The following USP9Y variants were observed in gnomAD, a reference collection of about 807,000 sequenced individuals.
The protein encoded by USP9Y is ubiquitin carboxyl-terminal hydrolase 9Y.
A neutral mutation model predicts 53.1 loss-of-function variants in USP9Y; 41 were observed. The ratio of observed to expected loss-of-function variants is 0.77; its 90% CI spans 0.60 to 1.00. USP9Y has a LOEUF of 1.00. Among genes scored for constraint, USP9Y ranks in the 50% least tolerant of loss-of-function variants. The pLI, the probability that USP9Y is intolerant of heterozygous loss-of-function variation, is 0.00. For synonymous variants in USP9Y, 220 were observed against 173.7 expected (o/e 1.27, Z -2.09); for missense variants, 567 against 535.8 (o/e 1.06, Z -0.58).
intron 42 of USP9Y, 42 bp downstream of exon 42, chrY:12,847,369 G>A: frequency 3.5e-6 from 1 of 288,098 alleles, no homozygotes; most frequent in Non-Finnish European, 5.4e-6. Context: ...AATTTCCCAA[G>A]TTCTTGAAAT....
chrY:12,844,793 C>T (rs983552363), intron 39 of USP9Y, among the ~76,000 whole-genome samples: 2 of 33,240 alleles, frequency 6.0e-5, no homozygotes, highest in African/African-American at 1.2e-4. Context: ...TGAGACAATG[C>T]GTTTGCCACA....
chrY:12,846,390 T>C lies in USP9Y; in HGVS notation c.6626T>C (p.Val2209Ala). 1 of 398,496 alleles carries C rather than the reference T, an allele frequency of 2.5e-6. No individual in the cohort carries two copies. The highest frequency in any genetic ancestry group is 3.5e-6 in the Non-Finnish European group (1 of 283,372). ...KLNVPATFML[V>A]SLDEGPGPPI... ...AATGTACCTGCTACCTTTATGCTTGTGTCTTTAGACGAAGGACCAGGTCCT... is the reference window on the plus strand; with the variant it reads ...AATGTACCTGCTACCTTTATGCTTGCGTCTTTAGACGAAGGACCAGGTCCT... The change falls in exon 40 of 46, where the codon GTG (valine) becomes GCG (alanine). Residue 2209 changes from valine to alanine, a missense_variant. Coordinates refer to ENST00000338981, the MANE Select transcript of USP9Y (RefSeq NM_004654.4).
chrY:12,723,028 G>T, intron 5 of USP9Y, among the ~76,000 whole-genome samples: 2 of 31,665 alleles, frequency 6.3e-5, no homozygotes, highest in South Asian at 1.4e-3. Context: ...CACCACACCC[G>T]GCCAGCCCCA....
rs9341282 is a variant in USP9Y at position 12,811,503 on chromosome Y, G to C, written c.4240-132G>C. ...TCTAGAGAGTTCTCAAAAAGAAATAGGAAACCACTTGAACAGTTTGGGGAA... is the reference window on the plus strand; with the variant it reads ...TCTAGAGAGTTCTCAAAAAGAAATACGAAACCACTTGAACAGTTTGGGGAA... On this transcript the variant is annotated intron_variant, in intron 29 of 45. Coordinates refer to ENST00000338981, the MANE Select transcript of USP9Y (RefSeq NM_004654.4). 21 of 223,311 alleles carry C rather than the reference G, an allele frequency of 9.4e-5. No individual in the cohort carries two copies. In the African/African-American group the frequency reaches 9.7e-4, roughly 10 times the overall value. 55.7% of individuals were successfully genotyped at this position (223,311 alleles called of 400,897 possible).
chrY:12,787,341 G>C (rs2053503372), intron 24 of USP9Y, among the ~76,000 whole-genome samples: 4 of 33,870 alleles, frequency 1.2e-4, no homozygotes, highest in African/African-American at 4.6e-4. Context: ...ACTGCTTGAA[G>C]ATAAAATGGT....
chrY:12,751,299 C>T (rs2053464209), intron 12 of USP9Y, among the ~76,000 whole-genome samples: 1 of 33,107 alleles, frequency 3.0e-5, no homozygotes, highest in South Asian at 6.7e-4. Context: ...CGTGAACCAC[C>T]GTGCCCACCC....
chrY:12,763,811 T>C (rs2053477943), intron 15 of USP9Y, among the ~76,000 whole-genome samples: 1 of 30,355 alleles, frequency 3.3e-5, no homozygotes, highest in Non-Finnish European at 7.9e-5. Flanking sequence ...TAGCTGAAAT[T>C]AGAGGCATGA....
chrY:12,729,442 A>AT (rs2053445465), intron 7 of USP9Y, among the ~76,000 whole-genome samples: 1 of 30,747 alleles, frequency 3.3e-5, no homozygotes, highest in Admixed American at 3.0e-4. Flanking sequence ...TTCAGTTTTT[A>AT]TTTTTTTTTA....
chrY:12,825,992 A>G, intron 33 of USP9Y, among the ~76,000 whole-genome samples: 1 of 29,933 alleles, frequency 3.3e-5, no homozygotes, highest in African/African-American at 1.3e-4. Flanking sequence ...GCTGAAATGC[A>G]ATGGTGTGAT....
intron 16 of USP9Y, among the ~76,000 whole-genome samples, chrY:12,771,919 C>A: frequency 3.1e-5 from 1 of 32,595 alleles, no homozygotes; most frequent in Non-Finnish European, 7.5e-5. Flanking sequence ...CATAGAAAAA[C>A]AATCTGCCTC....
chrY:12,837,922 A>G lies in USP9Y; in HGVS notation c.5207A>G (p.Glu1736Gly). The G allele has an allele frequency of 3.0e-6, 1 of 334,728 alleles. No individual in the cohort carries two copies. Among genetic ancestry groups the G allele is most frequent in the Non-Finnish European group, 4.4e-6 (1 of 229,279 alleles). The allele number at this position is 334,728 out of a possible 400,897, so 83.5% of individuals were successfully genotyped here. A position where few individuals can be genotyped will look rare whatever the true frequency, so the allele number is the denominator to read the frequency against. ...CQGCPHRYEC[E>G]ESFTTLNVDI... ...AATAATATCTTTAGGTATGAATGTG[A>G]AGAATCTTTTACAACTTTGAATGTG... The change falls in exon 35 of 46, where the codon GAA (glutamate) becomes GGA (glycine). Residue 1736 changes from glutamate (E) to glycine (G), a missense_variant. Coordinates refer to ENST00000338981, the MANE Select transcript of USP9Y (RefSeq NM_004654.4).
intron 15 of USP9Y, among the ~76,000 whole-genome samples, chrY:12,760,934 C>G (rs2053474818): frequency 2.9e-5 from 1 of 33,980 alleles, no homozygotes; most frequent in Non-Finnish European, 7.3e-5. Flanking sequence ...TCTTGGGTCT[C>G]TTTGGTGTGT....
intron 27 of USP9Y, among the ~76,000 whole-genome samples, chrY:12,805,196 T>C (rs972086386): frequency 5.9e-5 from 2 of 33,635 alleles, no homozygotes; most frequent in African/African-American, 2.3e-4. Flanking sequence ...TCTGTTTCTT[T>C]CTCTCTTCTC....
chrY:12,802,674 C>T (rs372747719), intron 27 of USP9Y: 12 of 33,450 alleles, frequency 3.6e-4, no homozygotes, highest in Admixed American at 2.4e-3. Context: ...TGTGCTGAAA[C>T]GCACCCTCTT....
intron 42 of USP9Y, among the ~76,000 whole-genome samples, chrY:12,855,402 G>A (rs2053575050): frequency 3.1e-5 from 1 of 32,750 alleles, no homozygotes; most frequent in Non-Finnish European, 7.5e-5. Flanking sequence ...AGTAGAGACA[G>A]GGTTTCACCA....
chrY:12,704,100 G>A (rs2053418104), intron 1 of USP9Y, among the ~76,000 whole-genome samples: 1 of 33,576 alleles, frequency 3.0e-5, no homozygotes, highest in African/African-American at 1.2e-4. Context: ...GTCCCCATTC[G>A]ACCCAGGAAG....
chrY:12,810,983 A>G, intron 29 of USP9Y, among the ~76,000 whole-genome samples, 165 bp downstream of exon 29: 1 of 33,872 alleles, frequency 3.0e-5, no homozygotes, highest in African/African-American at 1.1e-4. Context: ...TGTACTTTTC[A>G]CTAGTGAATT....
intron 24 of USP9Y, 106 bp downstream of exon 24, chrY:12,786,906 T>G: frequency 6.1e-6 from 1 of 162,781 alleles, no homozygotes; most frequent in South Asian, 8.2e-5. Context: ...TGTAAACTTT[T>G]AAGTAGATGA....
At chrY:12,744,509 T>C in intron 12 of USP9Y, among the ~76,000 whole-genome samples, 1 of 33,712 alleles carries the variant, frequency 3.0e-5, no homozygotes, top group African/African-American at 1.2e-4. Context: ...ATTCCCTGCT[T>C]CAGGAGTGGA....
Sources: gnomAD v4.1 joint callset for allele counts (sites outside exome capture counted in the v4.1 genomes callset) on GRCh38, gnomAD v4.1.1 for gene constraint, MANE v1.5 for transcripts, NCBI Gene and HGNC (gene_info 2026-07-23, HGNC 2026-07-21) for gene names.